The following ADAM32 variants were observed in gnomAD, a reference collection of about 807,000 sequenced individuals.
ADAM32 encodes disintegrin and metalloproteinase domain-containing protein 32.
Under a neutral mutation model 114.9 loss-of-function variants are expected in ADAM32, and 89 were observed. The ratio of observed to expected loss-of-function variants is 0.77; its 90% CI spans 0.65 to 0.92. The LOEUF (loss-of-function observed/expected upper bound fraction) is 0.92, where lower values mean the gene tolerates loss of function less well. Among genes scored for constraint, ADAM32 ranks in the 40% least tolerant of loss-of-function variants. The probability of loss-of-function intolerance (pLI) is 0.00; values close to 1 mark genes in which losing one functional copy is unlikely to be tolerated. For synonymous variants in ADAM32, 285 were observed against 307.5 expected (o/e 0.93, Z 0.77); for missense variants, 870 against 932.8 (o/e 0.93, Z 0.88).
intron 14 of ADAM32, among the ~76,000 whole-genome samples, chr8:39,226,539 A>C (rs1274441557): frequency 6.6e-6 from 1 of 152,132 alleles, no homozygotes; most frequent in Non-Finnish European, 1.5e-5. Flanking sequence ...GCAAGAGAAA[A>C]AAAAAGATTA....
chr8:39,175,895 C>T (rs554806796), intron 10 of ADAM32, among the ~76,000 whole-genome samples: 6 of 152,198 alleles, frequency 3.9e-5, no homozygotes, highest in African/African-American at 1.4e-4. Flanking sequence ...TCAATTTCTT[C>T]CTGGTTCAGT....
intron 19 of ADAM32, among the ~76,000 whole-genome samples, chr8:39,257,812 T>G (rs1811748057): frequency 6.6e-6 from 1 of 152,088 alleles, no homozygotes; most frequent in African/African-American, 2.4e-5. Flanking sequence ...TTTCAAGAAA[T>G]AATTCAAACA....
chr8:39,131,974 A>G (rs141342731), intron 2 of ADAM32: 185 of 314,612 alleles, frequency 5.9e-4, no homozygotes, highest in Non-Finnish European at 1.6e-4. Context: ...GCTCACCTCA[A>G]TCTCCGTCTC....
chr8:39,239,109 C>T (rs984576997), intron 16 of ADAM32, among the ~76,000 whole-genome samples: 1 of 152,004 alleles, frequency 6.6e-6, no homozygotes, highest in African/African-American at 2.4e-5. Flanking sequence ...ATCATCTAGG[C>T]ACATGGTCAT....
chr8:39,280,780 T>C (rs1425169438), intron 22 of ADAM32, among the ~76,000 whole-genome samples: 1 of 152,028 alleles, frequency 6.6e-6, no homozygotes, highest in East Asian at 1.9e-4. Context: ...TATTTTTATT[T>C]ATGTTTATTT....
At chr8:39,201,629 T>C (rs1476612341) in intron 11 of ADAM32, among the ~76,000 whole-genome samples, 8 of 152,214 alleles carry the variant, frequency 5.3e-5, no homozygotes. Context: ...TTCTTTCTCC[T>C]GCCTGATTGC....
At chr8:39,138,169 T>G (rs1017696603) in intron 3 of ADAM32, among the ~76,000 whole-genome samples, 1 of 151,924 alleles carries the variant, frequency 6.6e-6, no homozygotes, top group African/African-American at 2.4e-5. Flanking sequence ...GTGTGTATGT[T>G]TTTTTAGTTC....
chr8:39,154,539 C>T (rs1487564736), intron 6 of ADAM32, among the ~76,000 whole-genome samples: 1 of 152,036 alleles, frequency 6.6e-6, no homozygotes, highest in Non-Finnish European at 1.5e-5. Flanking sequence ...ATTTATAATC[C>T]TTTGGGTATA....
intron 6 of ADAM32, among the ~76,000 whole-genome samples, chr8:39,155,098 T>G (rs1804064143): frequency 6.6e-6 from 1 of 152,212 alleles, no homozygotes; most frequent in African/African-American, 2.4e-5. Context: ...GAGCTATTTA[T>G]GACAAATCCA....
chr8:39,154,652 A>G (rs1804032517), intron 6 of ADAM32, among the ~76,000 whole-genome samples: 2 of 152,200 alleles, frequency 1.3e-5, no homozygotes, highest in South Asian at 4.1e-4. Flanking sequence ...TTACACTCCC[A>G]CCAACAGTGT....
At chr8:39,247,593 T>C (rs1285861947) in intron 17 of ADAM32, among the ~76,000 whole-genome samples, 1 of 152,158 alleles carries the variant, frequency 6.6e-6, no homozygotes, top group African/African-American at 2.4e-5. Context: ...ATAACAGTCA[T>C]GTATCTGATG....
intron 14 of ADAM32, among the ~76,000 whole-genome samples, chr8:39,228,031 G>T (rs1295976763): frequency 6.6e-6 from 1 of 152,176 alleles, no homozygotes; most frequent in Non-Finnish European, 1.5e-5. Flanking sequence ...ACCAGTACCA[G>T]CCTGGAGCTG....
At chr8:39,262,847 A>G (rs1564712267) in intron 19 of ADAM32, among the ~76,000 whole-genome samples, 1 of 152,122 alleles carries the variant, frequency 6.6e-6, no homozygotes, top group African/African-American at 2.4e-5. Flanking sequence ...CTGGGACAAC[A>G]GGTGCGTGCC....
intron 1 of ADAM32, among the ~76,000 whole-genome samples, chr8:39,111,127 T>C (rs903252758): frequency 3.3e-5 from 5 of 152,226 alleles, no homozygotes; most frequent in African/African-American, 1.2e-4. Flanking sequence ...CACCCGTTTG[T>C]TTACTGATTC....
At chr8:39,269,466 T>G (rs1290989583) in intron 19 of ADAM32, among the ~76,000 whole-genome samples, 1 of 152,208 alleles carries the variant, frequency 6.6e-6, no homozygotes, top group Non-Finnish European at 1.5e-5. Context: ...TTTGCAACTT[T>G]CACATATTTT....
At chr8:39,185,380 C>A (rs1253473572) in intron 10 of ADAM32, among the ~76,000 whole-genome samples, 1 of 149,030 alleles carries the variant, frequency 6.7e-6, no homozygotes, top group Non-Finnish European at 1.5e-5. Context: ...AACAAAAAAA[C>A]AGCAGAGATT....
intron 21 of ADAM32, among the ~76,000 whole-genome samples, chr8:39,275,240 A>G (rs920175130): frequency 9.2e-5 from 14 of 152,232 alleles, no homozygotes; most frequent in Non-Finnish European, 1.8e-4. Flanking sequence ...GATGTGGCTT[A>G]TGAAACTGAC....
At chr8:39,216,073 G>C (rs1585561152) in intron 12 of ADAM32, among the ~76,000 whole-genome samples, 1 of 152,028 alleles carries the variant, frequency 6.6e-6, no homozygotes, top group East Asian at 1.9e-4. Context: ...TTATATATCT[G>C]GGTGCTCCAG....
At chr8:39,126,833 G>C (rs981387180) in intron 2 of ADAM32, among the ~76,000 whole-genome samples, 3 of 151,978 alleles carry the variant, frequency 2.0e-5, no homozygotes, top group African/African-American at 7.2e-5. Flanking sequence ...ATTATTTTGA[G>C]GTATGTTCTT....
Sources: gnomAD v4.1 joint callset for allele counts (sites outside exome capture counted in the v4.1 genomes callset) on GRCh38, gnomAD v4.1.1 for gene constraint, MANE v1.5 for transcripts, NCBI Gene and HGNC (gene_info 2026-07-23, HGNC 2026-07-21) for gene names.